Variants in GPR39 observed in about 807,000 individuals in gnomAD.
GPR39 encodes the protein G protein-coupled receptor 39.
GPR39 carries 23 observed loss-of-function variants against 18.4 expected under a neutral mutation model. The observed-to-expected ratio is 1.25, with a 90% confidence interval of 0.90 to 1.77. The LOEUF (loss-of-function observed/expected upper bound fraction) is 1.77. Among genes scored for constraint, GPR39 ranks in the 40% most tolerant of loss-of-function variants. The pLI is 0.00. For missense variants in GPR39, 647 were observed against 602.4 expected (o/e 1.07, Z -0.78); for synonymous variants, 280 against 257.9 (o/e 1.09, Z -0.82).
intron 1 of GPR39, among the ~76,000 whole-genome samples, chr2:132,433,553 G>C (rs1224764113): frequency 6.6e-6 from 1 of 151,872 alleles, no homozygotes; most frequent in Admixed American, 6.5e-5. Context: ...GGTGCTGGAA[G>C]TGCTGCCAAG....
chr2:132,570,366 C>T (rs7559469), intron 1 of GPR39, among the ~76,000 whole-genome samples: 15,400 of 152,074 alleles, frequency 0.1, 1,461 homozygotes, highest in East Asian at 0.53. Context: ...CCCCTCCAGC[C>T]GCACTTCCTC....
chr2:132,457,775 T>C (rs7604363), intron 1 of GPR39, among the ~76,000 whole-genome samples: 121,309 of 152,216 alleles, frequency 0.8, 49,248 homozygotes, highest in Non-Finnish European at 0.87. Context: ...TGTTGAGCTG[T>C]GGTGGGCTCC....
At chr2:132,462,033 A>G (rs1244755022) in intron 1 of GPR39, among the ~76,000 whole-genome samples, 1 of 152,196 alleles carries the variant, frequency 6.6e-6, no homozygotes, top group African/African-American at 2.4e-5. Context: ...CATTTTCTTT[A>G]TAAATTCATC....
chr2:132,505,344 G>T (rs981262997), intron 1 of GPR39, among the ~76,000 whole-genome samples: 1 of 152,186 alleles, frequency 6.6e-6, no homozygotes, highest in Non-Finnish European at 1.5e-5. Context: ...TAGTGATCAA[G>T]TCAGGATATT....
chr2:132,418,299 C>A (rs13428178), intron 1 of GPR39, among the ~76,000 whole-genome samples: 33,616 of 152,124 alleles, frequency 0.22, 3,920 homozygotes, highest in African/African-American at 0.28. Flanking sequence ...TGCAGAGATA[C>A]AGGGAACCGT....
At chr2:132,573,051 T>A (rs1289101429) in intron 1 of GPR39, among the ~76,000 whole-genome samples, 1 of 152,104 alleles carries the variant, frequency 6.6e-6, no homozygotes, top group African/African-American at 2.4e-5. Flanking sequence ...TTGCTCCCAA[T>A]GGCCATGGGC....
chr2:132,565,215 T>C (rs1004381785), intron 1 of GPR39, among the ~76,000 whole-genome samples: 6 of 152,060 alleles, frequency 3.9e-5, no homozygotes, highest in Non-Finnish European at 7.4e-5. Flanking sequence ...GCTTCCTATG[T>C]GATTCCAGTA....
Position 132,489,706 on chromosome 2 carries a change from T to C in GPR39, c.856+71808T>C, listed in dbSNP as rs180672015. On this transcript the variant is annotated intron_variant, in intron 1 of 1. Coordinates refer to ENST00000329321, the MANE Select transcript of GPR39 (RefSeq NM_001508.3). ...TGGGTGGATCAAACCTTTATTCTAA[T>C]TCTTTTTACATATTTTCCTTTTATA... 1.8e-3 allele frequency among the ~76,000 whole-genome samples: 272 copies of C among 152,094 alleles called. 3 individuals are homozygous for C. Among genetic ancestry groups the C allele is most frequent in the Non-Finnish European group, 2.7e-3 (185 of 68,028 alleles).
intron 1 of GPR39, among the ~76,000 whole-genome samples, chr2:132,589,877 T>C (rs1680798023): frequency 6.6e-6 from 1 of 152,170 alleles, no homozygotes; most frequent in Admixed American, 6.5e-5. Context: ...ATTTGTTTTA[T>C]TAAGGGAAGG....
At chr2:132,503,320 CT>C (rs1415189174) in intron 1 of GPR39, among the ~76,000 whole-genome samples, 3 of 152,104 alleles carry the variant, frequency 2.0e-5, no homozygotes, top group African/African-American at 7.2e-5. Flanking sequence ...GAGAGCTGAA[CT>C]CTAGTGATTA....
chr2:132,517,258 A>T (rs1325059292), intron 1 of GPR39, among the ~76,000 whole-genome samples: 1 of 152,152 alleles, frequency 6.6e-6, no homozygotes, highest in Non-Finnish European at 1.5e-5. Context: ...ACTATGAAAG[A>T]GTATACAGGA....
chr2:132,439,232 C>T (rs774344836), intron 1 of GPR39, among the ~76,000 whole-genome samples: 1 of 152,146 alleles, frequency 6.6e-6, no homozygotes. Flanking sequence ...TTTTAAAGAT[C>T]AAGAGAAAAC....
At chr2:132,634,245 T>C (rs1043078608) in intron 1 of GPR39, among the ~76,000 whole-genome samples, 12 of 152,156 alleles carry the variant, frequency 7.9e-5, no homozygotes, top group Non-Finnish European at 1.6e-4. Context: ...GGTCCTTTTC[T>C]GACAGCAGTC....
At chr2:132,489,345 G>A (rs1433278872) in intron 1 of GPR39, among the ~76,000 whole-genome samples, 1 of 152,102 alleles carries the variant, frequency 6.6e-6, no homozygotes, top group East Asian at 1.9e-4. Flanking sequence ...CGAGGGCAGG[G>A]ACGAGGGCGG....
intron 1 of GPR39, among the ~76,000 whole-genome samples, chr2:132,473,929 G>T (rs1681078720): frequency 6.6e-6 from 1 of 152,202 alleles, no homozygotes; most frequent in South Asian, 2.1e-4. Context: ...CACAGTCAGG[G>T]AAGAAACGTG....
Position 132,417,322 on chromosome 2 carries a change from A to G in GPR39, c.280A>G (p.Ile94Val), listed in dbSNP as rs755602089. The G allele has an allele frequency of 3.1e-6, 5 of 1,614,090 alleles. No individual in the cohort carries two copies. The highest frequency in any genetic ancestry group is 1.1e-5 in the South Asian group (1 of 91,070). Residue 94 changes from isoleucine to valine, a missense_variant, in exon 1 of 2, where the codon ATC becomes GTC. Ile to Val is a conservative substitution (Grantham distance 29). This residue lies in a region of GPR39 where 581 missense variants were observed against 506.8 expected (regional missense o/e 1.15). Coordinates refer to ENST00000329321, the MANE Select transcript of GPR39 (RefSeq NM_001508.3). Reference protein sequence around the residue: ...LIGMPMEFYSIIWNPLTTSSY... With the variant: ...LIGMPMEFYSVIWNPLTTSSY... The stretch of plus-strand genomic sequence containing the variant: ...CGGCATGCCCATGGAGTTCTACAGC[A>G]TCATCTGGAATCCCCTGACCACGTC...
At position 132,459,809 on chromosome 2, in the gene GPR39, T is replaced by G. The variant is rs140638897; in HGVS notation, c.856+41911T>G. Among the ~76,000 whole-genome samples, 43 of 152,342 alleles carry G rather than the reference T, an allele frequency of 2.8e-4. 1 individual carries two copies. The East Asian group carries it at 3.1e-3, about 11-fold the overall frequency. Reference sequence around the variant, plus strand: ...CTGTGGGTAAGTGCCCTCTTGAACTTATATGACACTGAGCAATGTCATTAG... The same window carrying G: ...CTGTGGGTAAGTGCCCTCTTGAACTGATATGACACTGAGCAATGTCATTAG... On this transcript the variant is annotated intron_variant, in intron 1 of 1. Transcript: ENST00000329321.
chr2:132,570,421 T>C (rs1680422368), intron 1 of GPR39, among the ~76,000 whole-genome samples: 1 of 152,144 alleles, frequency 6.6e-6, no homozygotes, highest in South Asian at 2.1e-4. Context: ...ATATGCCCTC[T>C]ACTATATCTA....
chr2:132,423,085 A>G (rs1162086990), intron 1 of GPR39, among the ~76,000 whole-genome samples: 1 of 152,108 alleles, frequency 6.6e-6, no homozygotes, highest in East Asian at 1.9e-4. Flanking sequence ...CTGGTCTACC[A>G]TTTGGAGGAC....
Sources: gnomAD v4.1 joint callset for allele counts (sites outside exome capture counted in the v4.1 genomes callset) on GRCh38, gnomAD v4.1.1 for gene constraint, gnomAD v4.1.1 regional missense constraint, MANE v1.5 for transcripts, NCBI Gene and HGNC (gene_info 2026-07-23, HGNC 2026-07-21) for gene names.